Variants in PPP3CA observed in about 807,000 individuals in gnomAD.
The protein encoded by PPP3CA is CAM-PRP catalytic subunit.
PPP3CA carries 14 observed loss-of-function variants against 66.5 expected under a neutral mutation model. That is an observed-to-expected ratio of 0.21 (90% CI 0.14 to 0.33). The LOEUF (loss-of-function observed/expected upper bound fraction) is 0.33. Ranked by LOEUF, PPP3CA falls within the 10% of genes least tolerant of loss-of-function variation. The pLI, the probability that PPP3CA is intolerant of heterozygous loss-of-function variation, is 1.00. For synonymous variants in PPP3CA, 232 were observed against 226.2 expected (o/e 1.03, Z -0.23); for missense variants, 317 against 639.5 (o/e 0.50, Z 5.44).
At chr4:101,250,405 T>C (rs1245210487) in intron 1 of PPP3CA, 4 of 452,906 alleles carry the variant, frequency 8.8e-6, no homozygotes, top group East Asian at 7.0e-5. Context: ...GAGTATTTCA[T>C]ATGTTGCCAT....
intron 1 of PPP3CA, among the ~76,000 whole-genome samples, chr4:101,238,817 C>T (rs1310137051): frequency 6.6e-6 from 1 of 152,076 alleles, no homozygotes; most frequent in African/African-American, 2.4e-5. Context: ...CTTCAACTAG[C>T]CTTCTCAGAG....
Position 101,204,492 on chromosome 4 carries a change from A to T in PPP3CA, c.59-8376T>A, listed in dbSNP as rs2850993. ...TCTACTAAAAATACAAAAAATTAGC[A>T]GGGCGTGGTGGCAGGCGCCTGTAGT... On this transcript the variant is annotated intron_variant, in intron 1 of 13. Coordinates refer to ENST00000394854, the MANE Select transcript of PPP3CA (RefSeq NM_000944.5). 5.2e-4 allele frequency among the ~76,000 whole-genome samples: 79 copies of T among 151,882 alleles called. 2 individuals carry two copies. The East Asian group carries it at 0.015, about 29-fold the overall frequency.
At chr4:101,271,189 A>T (rs936747243) in intron 1 of PPP3CA, among the ~76,000 whole-genome samples, 3 of 152,166 alleles carry the variant, frequency 2.0e-5, no homozygotes, top group Admixed American at 6.5e-5. Context: ...ATGTTTTCCA[A>T]AACTTGATAA....
intron 2 of PPP3CA, chr4:101,170,972 G>A (rs1299864266): frequency 3.5e-6 from 1 of 287,032 alleles, no homozygotes; most frequent in African/African-American, 2.2e-5. Flanking sequence ...ATTTTTTAAA[G>A]TACTAAAATT....
At position 101,145,639 on chromosome 4, in the gene PPP3CA, T is replaced by C. The variant is rs533579157; in HGVS notation, c.260-36561A>G. ...GGTTACCAGAGGCTAAGAAGGGTAG[T>C]TGGGGGTAAGGAAAAAGTGGGAATG... On this transcript the variant is annotated intron_variant, in intron 2 of 13. Coordinates refer to ENST00000394854, the MANE Select transcript of PPP3CA (RefSeq NM_000944.5). Among the ~76,000 whole-genome samples the C allele has an allele frequency of 6.6e-5, 10 of 152,082 alleles. No homozygotes were observed. In the East Asian group the frequency reaches 1.9e-3, roughly 29 times the overall value.
intron 1 of PPP3CA, among the ~76,000 whole-genome samples, chr4:101,254,200 C>T (rs1392508434): frequency 6.6e-6 from 1 of 151,952 alleles, no homozygotes; most frequent in Non-Finnish European, 1.5e-5. Flanking sequence ...ACGTATCTGC[C>T]TGAAGTACTA....
At chr4:101,173,306 G>A (rs1236777801) in intron 2 of PPP3CA, among the ~76,000 whole-genome samples, 3 of 152,058 alleles carry the variant, frequency 2.0e-5, no homozygotes, top group Admixed American at 6.6e-5. Context: ...TTGGCCTGTG[G>A]TAAGAGAGAG....
intron 8 of PPP3CA, among the ~76,000 whole-genome samples, chr4:101,075,927 T>C (rs570452416): frequency 6.6e-6 from 1 of 152,330 alleles, no homozygotes; most frequent in African/African-American, 2.4e-5. Context: ...CTGTCTTGTT[T>C]CATTTATATC....
At chr4:101,099,814 G>C (rs185211277) in intron 3 of PPP3CA, 92 bp from the exon 4 acceptor site, 2 of 610,492 alleles carry the variant, frequency 3.3e-6, no homozygotes, top group Non-Finnish European at 4.9e-6. Flanking sequence ...TGAATAAAAT[G>C]TATTACCATG....
At chr4:101,095,437 A>T (rs1224384294) in intron 5 of PPP3CA, among the ~76,000 whole-genome samples, 1 of 152,196 alleles carries the variant, frequency 6.6e-6, no homozygotes, top group Non-Finnish European at 1.5e-5. Context: ...AACTTGATAT[A>T]TGGCAAGATA....
chr4:101,236,045 A>G (rs1726118536), intron 1 of PPP3CA, among the ~76,000 whole-genome samples: 1 of 151,864 alleles, frequency 6.6e-6, no homozygotes, highest in South Asian at 2.1e-4. Context: ...AAAAAAAAAG[A>G]AAAGGAATAA....
At chr4:101,345,962 G>C (rs1184530666) in intron 1 of PPP3CA, among the ~76,000 whole-genome samples, 1 of 152,192 alleles carries the variant, frequency 6.6e-6, no homozygotes, top group Non-Finnish European at 1.5e-5. Context: ...GCCGGGGATG[G>C]CAAGAGAGGC....
chr4:101,106,491 AAAAGAAAAGAAAG>A, intron 3 of PPP3CA, among the ~76,000 whole-genome samples: 1 of 79,350 alleles, frequency 1.3e-5, no homozygotes, highest in Admixed American at 1.2e-4. Context: ...AAAAGAAAAG[AAAAGAAAAGAAAG>A]AAAGAAAGAA....
At position 101,032,153 on chromosome 4, in the gene PPP3CA, GAGA is replaced by G. The variant is rs888987014; in HGVS notation, c.1339+111_1339+113del. 1.2e-4 allele frequency: 85 copies of G among 732,494 alleles called. No individual in the cohort carries two copies. The Middle Eastern group carries it at 1.3e-3, about 11-fold the overall frequency. 45.4% of individuals were successfully genotyped at this position (732,494 alleles called of 1,614,324 possible). A position where few individuals can be genotyped will look rare whatever the true frequency, so the allele number is the denominator to read the frequency against. On this transcript the variant is annotated intron_variant, in intron 12 of 13. Coordinates refer to ENST00000394854, the MANE Select transcript of PPP3CA (RefSeq NM_000944.5). ...TGGGGTTTCAGCCCTTCTGCCAGCT[GAGA>G]AGAAGAACCGAAGACCAAGACAGAG...
chr4:101,041,429 A>ATTTTT (rs11296247), intron 10 of PPP3CA, among the ~76,000 whole-genome samples: 8 of 86,104 alleles, frequency 9.3e-5, no homozygotes, highest in East Asian at 9.1e-4. Flanking sequence ...TACCTCACAA[A>ATTTTT]TTTTTTTTTT....
chr4:101,142,432 T>C (rs1225768283), intron 2 of PPP3CA, among the ~76,000 whole-genome samples: 2 of 152,218 alleles, frequency 1.3e-5, no homozygotes, highest in African/African-American at 2.4e-5. Flanking sequence ...AGCTACATTA[T>C]AGACTTTCAG....
chr4:101,126,984 A>G (rs536137033), intron 2 of PPP3CA, among the ~76,000 whole-genome samples: 15 of 152,308 alleles, frequency 9.8e-5, no homozygotes, highest in African/African-American at 3.1e-4. Context: ...TACTGCTTAC[A>G]TCTTGAGAAT....
At chr4:101,299,323 T>C (rs777406136) in intron 1 of PPP3CA, among the ~76,000 whole-genome samples, 51 of 151,616 alleles carry the variant, frequency 3.4e-4, no homozygotes, top group Non-Finnish European at 5.9e-4. Flanking sequence ...TGTTCTGAGA[T>C]CAGTGAAAAA....
intron 1 of PPP3CA, among the ~76,000 whole-genome samples, chr4:101,314,009 A>G (rs553966175): frequency 1.6e-4 from 24 of 152,214 alleles, no homozygotes; most frequent in Non-Finnish European, 2.6e-4. Flanking sequence ...TGTTATTGTA[A>G]AACAAACACT....
Sources: gnomAD v4.1 joint callset for allele counts (sites outside exome capture counted in the v4.1 genomes callset) on GRCh38, gnomAD v4.1.1 for gene constraint, MANE v1.5 for transcripts, NCBI Gene and HGNC (gene_info 2026-07-23, HGNC 2026-07-21) for gene names.